Variants in ENTREP2 observed in about 807,000 individuals in gnomAD.
The protein encoded by ENTREP2 is protein ENTREP2.
the ENTREP2 span, among the ~76,000 whole-genome samples, chr15:29,140,898 C>T: frequency 6.6e-6 from 1 of 152,246 alleles, no homozygotes; most frequent in Non-Finnish European, 1.5e-5. Context: ...CAAAGGTACA[C>T]CTGTGTCTGG....
At chr15:29,264,797 C>A in the ENTREP2 span, among the ~76,000 whole-genome samples, 1 of 152,008 alleles carries the variant, frequency 6.6e-6, no homozygotes, top group South Asian at 2.1e-4. Context: ...ATTAGCATAA[C>A]CTCAAAAATA....
chr15:29,465,688 C>A, the ENTREP2 span, among the ~76,000 whole-genome samples: 1 of 152,070 alleles, frequency 6.6e-6, no homozygotes. Flanking sequence ...ACAATCAAAC[C>A]CCAACATAAA....
At chr15:29,645,211 C>A in the ENTREP2 span, among the ~76,000 whole-genome samples, 1 of 152,110 alleles carries the variant, frequency 6.6e-6, no homozygotes, top group Non-Finnish European at 1.5e-5. Flanking sequence ...TCACTCCAAA[C>A]CTTAAAGCCA....
chr15:29,452,478 A>G, the ENTREP2 span: 1 of 152,264 alleles, frequency 6.6e-6, no homozygotes, highest in Admixed American at 6.5e-5. Context: ...TAAGCAGAAC[A>G]CGGGCTGCTT....
At chr15:29,428,670 T>C in the ENTREP2 span, among the ~76,000 whole-genome samples, 1 of 152,206 alleles carries the variant, frequency 6.6e-6, no homozygotes, top group Non-Finnish European at 1.5e-5. Flanking sequence ...AATGTGTCAC[T>C]ATTTCTATAA....
At chr15:29,548,916 T>C in the ENTREP2 span, among the ~76,000 whole-genome samples, 1 of 152,194 alleles carries the variant, frequency 6.6e-6, no homozygotes, top group South Asian at 2.1e-4. Flanking sequence ...GAGGTGCTTG[T>C]GTAATGAACT....
At chr15:29,627,965 T>C in the ENTREP2 span, among the ~76,000 whole-genome samples, 4 of 152,240 alleles carry the variant, frequency 2.6e-5, no homozygotes, top group Non-Finnish European at 5.9e-5. Context: ...CAACTACCTA[T>C]ATTTCTGCTT....
the ENTREP2 span, among the ~76,000 whole-genome samples, chr15:29,665,712 C>CT: frequency 6.6e-6 from 1 of 152,078 alleles, no homozygotes; most frequent in Non-Finnish European, 1.5e-5. Flanking sequence ...ATCTTGGACT[C>CT]TAACGTAATG....
the ENTREP2 span, among the ~76,000 whole-genome samples, chr15:29,229,153 T>G: frequency 6.6e-6 from 1 of 152,144 alleles, no homozygotes; most frequent in African/African-American, 2.4e-5. Context: ...AAAGCTTTAG[T>G]GTTTCGTTAA....
the ENTREP2 span, among the ~76,000 whole-genome samples, chr15:29,330,804 A>G: frequency 2.4e-3 from 366 of 152,360 alleles, 3 homozygotes; most frequent in African/African-American, 8.0e-3. Context: ...ATAGTAATGT[A>G]AGATGTTACA....
At chr15:29,145,913 A>C in the ENTREP2 span, among the ~76,000 whole-genome samples, 1 of 152,170 alleles carries the variant, frequency 6.6e-6, no homozygotes, top group Non-Finnish European at 1.5e-5. Flanking sequence ...TATAGAAAGA[A>C]TCCAGAGAAA....
the ENTREP2 span, among the ~76,000 whole-genome samples, chr15:29,159,617 A>T: frequency 6.6e-6 from 1 of 152,098 alleles, no homozygotes; most frequent in Non-Finnish European, 1.5e-5. Flanking sequence ...GCTAGACACA[A>T]AAGTTCTCCA....
At chr15:29,659,549 G>T in the ENTREP2 span, among the ~76,000 whole-genome samples, 1 of 152,088 alleles carries the variant, frequency 6.6e-6, no homozygotes, top group Non-Finnish European at 1.5e-5. Context: ...AAACAGAACA[G>T]ACTGGAACCA....
At chr15:29,518,116 G>A in the ENTREP2 span, among the ~76,000 whole-genome samples, 2 of 152,270 alleles carry the variant, frequency 1.3e-5, no homozygotes, top group East Asian at 3.9e-4. Flanking sequence ...CAGAGGAAAT[G>A]GGTAACTTGA....
At chr15:29,653,611 T>C in the ENTREP2 span, among the ~76,000 whole-genome samples, 1 of 152,220 alleles carries the variant, frequency 6.6e-6, no homozygotes, top group Admixed American at 6.5e-5. Context: ...CCTGCCACTT[T>C]GTGAAGAAGG....
At chr15:29,446,137 A>C in the ENTREP2 span, among the ~76,000 whole-genome samples, 1 of 152,228 alleles carries the variant, frequency 6.6e-6, no homozygotes, top group Admixed American at 6.5e-5. Context: ...TGCAGAAGGA[A>C]GCAGGCCTTC....
the ENTREP2 span, among the ~76,000 whole-genome samples, chr15:29,349,693 T>A: frequency 6.6e-6 from 1 of 151,946 alleles, no homozygotes; most frequent in Non-Finnish European, 1.5e-5. Context: ...AGCTCAGGAG[T>A]TCGAGACCAG....
At chr15:29,184,796 C>T in the ENTREP2 span, among the ~76,000 whole-genome samples, 5 of 152,294 alleles carry the variant, frequency 3.3e-5, no homozygotes, top group African/African-American at 1.2e-4. Flanking sequence ...TGTGGCCCCT[C>T]TCACTTTGGG....
At chr15:29,512,756 A>G in the ENTREP2 span, among the ~76,000 whole-genome samples, 2 of 152,174 alleles carry the variant, frequency 1.3e-5, no homozygotes, top group East Asian at 1.9e-4. Flanking sequence ...ATAAATGTCT[A>G]CTGTTTAAGC....
Sources: allele counts gnomAD v4.1 joint callset (sites outside exome capture counted in the v4.1 genomes callset), GRCh38; gene constraint gnomAD v4.1.1; transcripts MANE v1.5; gene names NCBI Gene and HGNC (gene_info 2026-07-23, HGNC 2026-07-21).